SKIC3: variants seen among roughly 807,000 people sequenced by gnomAD.
The protein encoded by SKIC3 is SKI3 subunit of superkiller complex, also known as superkiller complex protein 3.
chr5:95,524,853 G>A, the SKIC3 span, among the ~76,000 whole-genome samples: 1 of 151,998 alleles, frequency 6.6e-6, no homozygotes, highest in African/African-American at 2.4e-5. Context: ...CATTACATCT[G>A]CTTAGTGAAC....
the SKIC3 span, chr5:95,541,406 C>T: frequency 6.2e-7 from 1 of 1,606,694 alleles, no homozygotes; most frequent in Non-Finnish European, 8.5e-7. Flanking sequence ...AACACACACA[C>T]ACAAAAGGAT....
chr5:95,497,283 T>C, the SKIC3 span: 2 of 866,660 alleles, frequency 2.3e-6, no homozygotes, highest in East Asian at 5.4e-5. Context: ...TAATGGAAAA[T>C]TTAGTTAATA....
chr5:95,523,188 A>G, the SKIC3 span: 1 of 1,613,620 alleles, frequency 6.2e-7, no homozygotes, highest in Non-Finnish European at 8.5e-7. Flanking sequence ...TTTAAATACA[A>G]TAAGGTGCCT....
the SKIC3 span, chr5:95,494,861 C>T: frequency 6.3e-7 from 1 of 1,595,342 alleles, no homozygotes; most frequent in Middle Eastern, 1.7e-4. Context: ...GACTAAAAGA[C>T]TCTATTTGAT....
chr5:95,513,114 T>C, the SKIC3 span: 4 of 180,224 alleles, frequency 2.2e-5, no homozygotes, highest in Admixed American at 1.1e-4. Context: ...AAAATGGTAG[T>C]TCTTTAATTC....
the SKIC3 span, among the ~76,000 whole-genome samples, chr5:95,526,628 C>A: frequency 6.6e-6 from 1 of 152,102 alleles, no homozygotes; most frequent in Non-Finnish European, 1.5e-5. Flanking sequence ...TGCATACCAC[C>A]AAGCCAGACT....
chr5:95,478,684 A>AT, the SKIC3 span, among the ~76,000 whole-genome samples: 2 of 152,210 alleles, frequency 1.3e-5, no homozygotes, highest in Non-Finnish European at 2.9e-5. Context: ...ATATATAATG[A>AT]TCAACTAGGG....
At chr5:95,476,241 A>G in the SKIC3 span, among the ~76,000 whole-genome samples, 2 of 152,180 alleles carry the variant, frequency 1.3e-5, no homozygotes, top group African/African-American at 4.8e-5. Context: ...CCTGAGTTGA[A>G]TGCCGCAGCC....
the SKIC3 span, chr5:95,517,227 A>G: frequency 6.2e-7 from 1 of 1,613,444 alleles, no homozygotes; most frequent in East Asian, 2.2e-5. Flanking sequence ...TAAAACATGA[A>G]CATTCACTTT....
the SKIC3 span, among the ~76,000 whole-genome samples, chr5:95,534,711 C>G: frequency 9.4e-4 from 143 of 152,176 alleles, no homozygotes; most frequent in African/African-American, 3.3e-3. Flanking sequence ...CTCCCTTTCT[C>G]TTTTTCATCT....
At chr5:95,534,984 G>A in the SKIC3 span, among the ~76,000 whole-genome samples, 1 of 152,120 alleles carries the variant, frequency 6.6e-6, no homozygotes, top group Non-Finnish European at 1.5e-5. Context: ...TTCAGGAGAG[G>A]TGAAAGTTAA....
At chr5:95,552,249 GT>G in the SKIC3 span, among the ~76,000 whole-genome samples, 1 of 152,084 alleles carries the variant, frequency 6.6e-6, no homozygotes, top group Non-Finnish European at 1.5e-5. Flanking sequence ...CTTCATATTA[GT>G]TACTACACTA....
the SKIC3 span, among the ~76,000 whole-genome samples, chr5:95,466,449 T>C: frequency 6.6e-6 from 1 of 152,092 alleles, no homozygotes; most frequent in East Asian, 1.9e-4. Flanking sequence ...ATATCCAACA[T>C]TGCATAGGAC....
chr5:95,467,477 C>T, the SKIC3 span, among the ~76,000 whole-genome samples: 2 of 152,018 alleles, frequency 1.3e-5, no homozygotes, highest in African/African-American at 4.8e-5. Flanking sequence ...TATAGTTTCC[C>T]CATATAAAGG....
chr5:95,543,087 T>C, the SKIC3 span: 112 of 1,413,044 alleles, frequency 7.9e-5, no homozygotes, highest in African/African-American at 1.3e-3. Flanking sequence ...GGGGCAAATG[T>C]AGGTTTAAAT....
the SKIC3 span, among the ~76,000 whole-genome samples, chr5:95,504,223 C>T: frequency 4.8e-4 from 73 of 152,176 alleles, no homozygotes; most frequent in East Asian, 0.012. Flanking sequence ...ATAATCCTAG[C>T]TGCTCAGGAG....
chr5:95,484,867 G>A, the SKIC3 span: 1 of 1,612,150 alleles, frequency 6.2e-7, no homozygotes, highest in Non-Finnish European at 8.5e-7. Context: ...AAATGTCAAT[G>A]TTACTTTCTT....
chr5:95,522,018 T>C, the SKIC3 span: 2 of 1,611,348 alleles, frequency 1.2e-6, no homozygotes, highest in Admixed American at 3.3e-5. Flanking sequence ...TACTTCAGGA[T>C]CATAAAAGTC....
At chr5:95,492,382 A>T in the SKIC3 span, among the ~76,000 whole-genome samples, 1 of 151,950 alleles carries the variant, frequency 6.6e-6, no homozygotes, top group Non-Finnish European at 1.5e-5. Flanking sequence ...CACGCCTGTA[A>T]TCCCAGCACT....
Sources: allele counts gnomAD v4.1 joint callset (sites outside exome capture counted in the v4.1 genomes callset), GRCh38; gene constraint gnomAD v4.1.1; transcripts MANE v1.5; gene names NCBI Gene and HGNC (gene_info 2026-07-23, HGNC 2026-07-21).